SANBR: variants seen among roughly 807,000 people sequenced by gnomAD.
SANBR encodes SANT and BTB domain regulator of class switch recombination.
Under a neutral mutation model 101.8 loss-of-function variants are expected in SANBR, and 77 were observed. The ratio of observed to expected loss-of-function variants is 0.76; its 90% CI spans 0.63 to 0.91. The LOEUF is 0.91. Ranked by LOEUF, SANBR falls within the 40% of genes least tolerant of loss-of-function variation. The pLI is 0.00. For synonymous variants in SANBR, 279 were observed against 274.7 expected (o/e 1.02, Z -0.15); for missense variants, 875 against 853.0 (o/e 1.03, Z -0.32).
At chr2:61,074,271 C>T (rs1559074945) in intron 5 of SANBR, among the ~76,000 whole-genome samples, 1 of 152,218 alleles carries the variant, frequency 6.6e-6, no homozygotes, top group Non-Finnish European at 1.5e-5. Context: ...GATTGCACAA[C>T]AGTGTGAATA....
Position 61,123,025 on chromosome 2 carries a change from G to A in SANBR, c.*863G>A, listed in dbSNP as rs1012100110. 19 of 980,314 alleles carry A rather than the reference G, an allele frequency of 1.9e-5. No homozygotes were observed. Among genetic ancestry groups the A allele is most frequent in the Middle Eastern group, 5.2e-4 (1 of 1,906 alleles). The allele number at this position is 980,314 out of a possible 1,614,324, so 60.7% of individuals were successfully genotyped here. ...TTAAAACAGTTATACTTGCTAGTTC[G>A]GTCTAAAATTTTCCAAATACATTAG... On this transcript the variant is annotated 3_prime_UTR_variant, in exon 22 of 22. Transcript: ENST00000402291.
chr2:61,077,119 AAC>A lies in SANBR; in HGVS notation c.634_635del (p.Thr212Ter). On this transcript the variant is annotated frameshift_variant, in exon 6 of 22. Coordinates refer to ENST00000402291, the MANE Select transcript of SANBR (RefSeq NM_001129993.3). LOFTEE classifies it high-confidence loss of function. ...CTGGTTGATAAAATACATTAAAAGGAACACTAAGGAGAATAAAGATTGTGAGA... is the reference window on the plus strand; with the variant it reads ...CTGGTTGATAAAATACATTAAAAGGAACTAAGGAGAATAAAGATTGTGAGA... Reference protein sequence around the residue: ...FNWLIKYIKRNTKENKDCEMP... With the variant: ...FNWLIKYIKRXTKENKDCEMP... 2 of 1,613,392 alleles carry A rather than the reference AAC, an allele frequency of 1.2e-6. No individual in the cohort carries two copies. Among genetic ancestry groups the A allele is most frequent in the Non-Finnish European group, 1.7e-6 (2 of 1,179,354 alleles).
chr2:61,126,102 A>G (rs1232968488), downstream of SANBR, among the ~76,000 whole-genome samples: 2 of 152,152 alleles, frequency 1.3e-5, no homozygotes, highest in East Asian at 3.8e-4. Context: ...AACATAATCA[A>G]AACAGAACTT....
At chr2:61,085,629 G>A (rs189401293) in intron 8 of SANBR, among the ~76,000 whole-genome samples, 1 of 151,966 alleles carries the variant, frequency 6.6e-6, no homozygotes, top group African/African-American at 2.4e-5. Context: ...TCCTGCCTCA[G>A]CCTCCCAAGT....
At chr2:61,131,791 C>A (rs531011498) in intron 20 of SANBR, among the ~76,000 whole-genome samples, 1 of 152,308 alleles carries the variant, frequency 6.6e-6, no homozygotes, top group East Asian at 1.9e-4. Context: ...TCCAATCTTA[C>A]TACAAAGCTA....
intron 16 of SANBR, among the ~76,000 whole-genome samples, chr2:61,114,883 C>T (rs1386327871): frequency 6.6e-6 from 1 of 152,194 alleles, no homozygotes; most frequent in Non-Finnish European, 1.5e-5. Context: ...TCTTGAACTC[C>T]TAGCCACAAG....
At chr2:61,076,806 T>C (rs1380461793) in intron 5 of SANBR, 114 bp from the exon 6 acceptor site, 2 of 703,892 alleles carry the variant, frequency 2.8e-6, no homozygotes, top group Non-Finnish European at 4.8e-6. Context: ...AAAACTGATT[T>C]GTGTTCAGAA....
chr2:61,124,423 G>A (rs941381397), downstream of SANBR: 4 of 246,958 alleles, frequency 1.6e-5, no homozygotes, highest in African/African-American at 9.3e-5. Flanking sequence ...TTTTAGGCCA[G>A]GCACAGTGGC....
chr2:61,108,105 T>C (rs1683660237), intron 14 of SANBR, among the ~76,000 whole-genome samples: 1 of 152,198 alleles, frequency 6.6e-6, no homozygotes, highest in African/African-American at 2.4e-5. Flanking sequence ...TGGGAAAGTG[T>C]CTTTCTTTTA....
In SANBR at chr2:61,081,466, A is replaced by G; in HGVS notation, c.685A>G (p.Ile229Val). The G allele has an allele frequency of 6.4e-7, 1 of 1,572,818 alleles. No individual in the cohort carries two copies. The highest frequency in any genetic ancestry group is 8.6e-7 in the Non-Finnish European group (1 of 1,163,654). Residue 229 changes from isoleucine (I) to valine (V), a missense_variant, in exon 7 of 22, where the codon ATT becomes GTT. By Grantham distance (29) the Ile-to-Val change is conservative. Coordinates refer to ENST00000402291, the MANE Select transcript of SANBR (RefSeq NM_001129993.3). ...EMPTLEPGNV[I>V]SILISSEFLK... is the part of the protein sequence containing the mutation. The stretch of plus-strand genomic sequence containing the variant: ...TTTTTTTTTAGAGCCAGGAAATGTC[A>G]TTTCAATTCTTATTTCTTCGGAGTT...
chr2:61,086,501 A>C (rs1682438419), intron 8 of SANBR, among the ~76,000 whole-genome samples: 1 of 152,154 alleles, frequency 6.6e-6, no homozygotes, highest in African/African-American at 2.4e-5. Context: ...AGAAGTAGCC[A>C]GTTAAGAACC....
Position 61,070,516 on chromosome 2 carries a change from C to G in SANBR, c.150+16C>G, listed in dbSNP as rs1380589684. 15 of 1,594,442 alleles carry G rather than the reference C, an allele frequency of 9.4e-6. No homozygotes were observed. The highest frequency in any genetic ancestry group is 2.3e-5 in the East Asian group (1 of 43,858). On this transcript the variant is annotated intron_variant, in intron 3 of 21. Transcript: ENST00000402291. ...ACCAAAAGAGGTAAATAACAGTCCC[C>G]CCAGAATATCTCCTGAAAATGTTCA...
At chr2:61,088,646 G>C in intron 10 of SANBR, 178 bp downstream of exon 10, 1 of 391,042 alleles carries the variant, frequency 2.6e-6, no homozygotes, top group Non-Finnish European at 4.4e-6. Flanking sequence ...TCAGCTTCCT[G>C]AGAAGCTGGG....
In SANBR at chr2:61,092,476, G is replaced by A. The variant is rs937665849; in HGVS notation, c.1101G>A (p.Trp367Ter). The A allele has an allele frequency of 6.3e-7, 1 of 1,583,814 alleles. No individual in the cohort carries two copies. The highest frequency in any genetic ancestry group is 2.3e-5 in the East Asian group (1 of 43,966). ...GCTCTTTCTCCAGAGATAAGACATGGGATGTTCATGAGTATTTGAATAGTC... is the reference window on the plus strand; with the variant it reads ...GCTCTTTCTCCAGAGATAAGACATGAGATGTTCATGAGTATTTGAATAGTC... ...IVYIHIRDKT[W>*]DVHEYLNSLF... Residue 367 changes from tryptophan to a stop codon, truncating the protein, a stop_gained, in exon 11 of 22, where the codon TGG becomes TGA. Coordinates refer to ENST00000402291, the MANE Select transcript of SANBR (RefSeq NM_001129993.3). LOFTEE classifies it high-confidence loss of function.
At chr2:61,100,942 A>G (rs1316673096) in intron 12 of SANBR, among the ~76,000 whole-genome samples, 1 of 152,078 alleles carries the variant, frequency 6.6e-6, no homozygotes, top group African/African-American at 2.4e-5. Flanking sequence ...GTTTATCTAG[A>G]GTTAGGATTT....
chr2:61,128,737 G>A (rs569944336), downstream of SANBR, among the ~76,000 whole-genome samples: 81 of 152,172 alleles, frequency 5.3e-4, no homozygotes, highest in Non-Finnish European at 9.9e-4. Flanking sequence ...CAGGTGATCC[G>A]TCTGCCTCGG....
chr2:61,080,646 G>C (rs1358317750), intron 6 of SANBR, among the ~76,000 whole-genome samples: 1 of 152,054 alleles, frequency 6.6e-6, no homozygotes, highest in Non-Finnish European at 1.5e-5. Flanking sequence ...TCATTAACCC[G>C]GGAGGCGGAG....
intron 16 of SANBR, among the ~76,000 whole-genome samples, chr2:61,114,848 G>A (rs1342515658): frequency 6.6e-6 from 1 of 152,168 alleles, no homozygotes; most frequent in South Asian, 2.1e-4. Flanking sequence ...GTAGAGACAA[G>A]GTCTCCTTAT....
At chr2:61,121,457 A>T (rs1475331524) in intron 21 of SANBR, 181 bp downstream of exon 21, 21 of 464,674 alleles carry the variant, frequency 4.5e-5, no homozygotes, top group Non-Finnish European at 8.3e-5. Flanking sequence ...AAATCTAATG[A>T]AAATATAGCT....
Sources: allele counts gnomAD v4.1 joint callset (sites outside exome capture counted in the v4.1 genomes callset), GRCh38; gene constraint gnomAD v4.1.1; transcripts MANE v1.5; gene names NCBI Gene and HGNC (gene_info 2026-07-23, HGNC 2026-07-21).